The following SPSB4 variants were observed in gnomAD, a reference collection of about 807,000 sequenced individuals.
SPSB4 encodes the protein SPRY domain-containing SOCS box protein 4.
A neutral mutation model predicts 20.9 loss-of-function variants in SPSB4; 21 were observed. That is an observed-to-expected ratio of 1.01 (90% confidence interval 0.71 to 1.45). The LOEUF (loss-of-function observed/expected upper bound fraction) is 1.45. Ranked by LOEUF, SPSB4 falls within the 40% of genes most tolerant of loss-of-function variation. SPSB4 has a pLI of 0.00. For synonymous variants in SPSB4, 207 were observed against 183.8 expected (o/e 1.13, Z -1.02); for missense variants, 399 against 399.2 (o/e 1.00, Z 0.00).
intron 2 of SPSB4, among the ~76,000 whole-genome samples, chr3:141,113,325 CAAAT>C (rs1194410159): frequency 6.6e-6 from 1 of 152,130 alleles, no homozygotes; most frequent in Non-Finnish European, 1.5e-5. Context: ...GGTATTCAAA[CAAAT>C]ACTTATGCAT....
At chr3:141,075,167 A>G (rs1376502628) in intron 2 of SPSB4, among the ~76,000 whole-genome samples, 5 of 151,700 alleles carry the variant, frequency 3.3e-5, no homozygotes, top group Admixed American at 3.3e-4. Flanking sequence ...GGGAGGATGT[A>G]GGAGCTTAGG....
intron 2 of SPSB4, among the ~76,000 whole-genome samples, chr3:141,101,636 G>A (rs1038271174): frequency 2.6e-5 from 4 of 152,184 alleles, no homozygotes; most frequent in Non-Finnish European, 5.9e-5. Flanking sequence ...GCCCAGGACG[G>A]TGCTGGCACA....
At chr3:141,085,469 A>G (rs1406772431) in intron 2 of SPSB4, among the ~76,000 whole-genome samples, 1 of 152,154 alleles carries the variant, frequency 6.6e-6, no homozygotes, top group African/African-American at 2.4e-5. Flanking sequence ...AATGGCTGCT[A>G]GAGCTTCAGC....
At chr3:141,108,852 C>G (rs1219454102) in intron 2 of SPSB4, among the ~76,000 whole-genome samples, 1 of 152,160 alleles carries the variant, frequency 6.6e-6, no homozygotes, top group Non-Finnish European at 1.5e-5. Context: ...AGACCGAAAG[C>G]AGCATTTCAG....
chr3:141,076,392 A>C (rs1242501392), intron 2 of SPSB4, among the ~76,000 whole-genome samples: 1 of 152,236 alleles, frequency 6.6e-6, no homozygotes, highest in Non-Finnish European at 1.5e-5. Context: ...GAGTAAATCC[A>C]CACTCTTATC....
At chr3:141,132,168 A>G (rs1203356550) in intron 2 of SPSB4, 1 of 429,460 alleles carries the variant, frequency 2.3e-6, no homozygotes. Flanking sequence ...AGTCCATTAT[A>G]TCTTTGTTTT....
chr3:141,052,807 T>C (rs1162377191), intron 1 of SPSB4, among the ~76,000 whole-genome samples: 1 of 152,148 alleles, frequency 6.6e-6, no homozygotes. Flanking sequence ...GGTCAGAGAC[T>C]TGAGCGCGGC....
At chr3:141,093,217 G>GA (rs1938488904) in intron 2 of SPSB4, among the ~76,000 whole-genome samples, 2 of 152,058 alleles carry the variant, frequency 1.3e-5, no homozygotes, top group South Asian at 2.1e-4. Flanking sequence ...AGTCTGTAGA[G>GA]AAAAAAATCA....
Position 141,066,038 on chromosome 3 carries a change from G to C in SPSB4, c.-67G>C, listed in dbSNP as rs1368001297. The stretch of plus-strand genomic sequence containing the variant: ...TTCCCAGCCCCGTGGCCCATTCCTG[G>C]CTACGGGGAGTGGAGGCTCCCACGA... On this transcript the variant is annotated 5_prime_UTR_variant, in exon 2 of 3. Transcript: ENST00000310546. 8 of 1,368,752 alleles carry C rather than the reference G, an allele frequency of 5.8e-6. No individual in the cohort carries two copies. The highest frequency in any genetic ancestry group is 7.6e-6 in the Non-Finnish European group (8 of 1,049,194). The allele number at this position is 1,368,752 out of a possible 1,614,324, so 84.8% of individuals were successfully genotyped here. A position where few individuals can be genotyped will look rare whatever the true frequency, so the allele number is the denominator to read the frequency against.
At position 141,113,138 on chromosome 3, in the gene SPSB4, A is replaced by G. The variant is rs1938829713; in HGVS notation, c.695-34004A>G. On this transcript the variant is annotated intron_variant, in intron 2 of 2. Transcript: ENST00000310546. ...GATGGTTATAATTAAAAAGCAAACA[A>G]GCAGAACAGAAAATAACAAATGGGG... Among the ~76,000 whole-genome samples the G allele has an allele frequency of 2.0e-5, 3 of 152,218 alleles. No homozygotes were observed. In the South Asian group the frequency reaches 6.2e-4, roughly 32 times the overall value.
chr3:141,066,601 G>A lies in SPSB4; in HGVS notation c.497G>A (p.Gly166Glu). ...QPGVAYPAFLGPDEAFALPDS... is the reference protein window; with the variant it reads ...QPGVAYPAFLEPDEAFALPDS... ...GGCGTGGCCTACCCGGCCTTTCTGG[G>A]GCCCGACGAGGCCTTTGCGCTGCCC... The change falls in exon 2 of 3, where the codon GGG becomes GAG. Residue 166 changes from glycine (G) to glutamate (E), a missense_variant. Physicochemically the swap from Gly to Glu is moderately conservative, Grantham distance 98. Coordinates refer to ENST00000310546, the MANE Select transcript of SPSB4 (RefSeq NM_080862.3). 6.3e-7 allele frequency: 1 copy of A among 1,581,864 alleles called. No individual in the cohort carries two copies. Among genetic ancestry groups the A allele is most frequent in the Admixed American group, 1.8e-5 (1 of 55,796 alleles).
At chr3:141,087,835 G>C (rs79745657) in intron 2 of SPSB4, among the ~76,000 whole-genome samples, 3,489 of 152,270 alleles carry the variant, frequency 0.023, 226 homozygotes, top group East Asian at 0.14. Flanking sequence ...TGCCGGATGC[G>C]TTCTGGCCTT....
intron 1 of SPSB4, among the ~76,000 whole-genome samples, chr3:141,053,908 C>T (rs1315403756): frequency 6.6e-6 from 1 of 152,182 alleles, no homozygotes; most frequent in African/African-American, 2.4e-5. Flanking sequence ...TCCACCTCTT[C>T]CTCACCATTT....
chr3:141,067,333 G>T (rs1382041476), intron 2 of SPSB4, among the ~76,000 whole-genome samples: 1 of 152,250 alleles, frequency 6.6e-6, no homozygotes, highest in East Asian at 1.9e-4. Context: ...CAATTCCAGC[G>T]CTTATGGGCC....
chr3:141,115,922 G>A (rs1938873013), intron 2 of SPSB4, among the ~76,000 whole-genome samples: 1 of 152,140 alleles, frequency 6.6e-6, no homozygotes. Context: ...TTACTCATCA[G>A]TTTTACTTAA....
At chr3:141,114,938 G>A (rs1482114853) in intron 2 of SPSB4, among the ~76,000 whole-genome samples, 16 of 152,140 alleles carry the variant, frequency 1.1e-4, no homozygotes, top group African/African-American at 4.8e-5. Context: ...TGTGGGGAAC[G>A]CAAGAGTCTT....
In SPSB4 at chr3:141,064,107, A is replaced by G. The variant is rs4683390; in HGVS notation, c.-153-1845A>G. The stretch of plus-strand genomic sequence containing the variant: ...CCATTTTTTCTGATAAGGGATCATT[A>G]GTTTTTTCCTTCAGGGAATGCCAGC... On this transcript the variant is annotated intron_variant, in intron 1 of 2. Transcript: ENST00000310546. Among the ~76,000 whole-genome samples, 100 of 152,322 alleles carry G rather than the reference A, an allele frequency of 6.6e-4. 1 individual carries two copies. Among genetic ancestry groups the G allele is most frequent in the Admixed American group, 1.0e-3 (16 of 15,312 alleles).
At position 141,066,103 on chromosome 3, in the gene SPSB4, G is replaced by A. The variant is rs1469153899; in HGVS notation, c.-2G>A. 4 of 1,518,898 alleles carry A rather than the reference G, an allele frequency of 2.6e-6. No homozygotes were observed. Among genetic ancestry groups the A allele is most frequent in the Non-Finnish European group, 3.5e-6 (4 of 1,138,856 alleles). 94.1% of individuals were successfully genotyped at this position (1,518,898 alleles called of 1,614,324 possible). On this transcript the variant is annotated 5_prime_UTR_variant, in exon 2 of 3. Coordinates refer to ENST00000310546, the MANE Select transcript of SPSB4 (RefSeq NM_080862.3). ...GCAGCGGCCTCCTCCCCGCAGTGAAGCATGGGCCAGAAGCTCTCGGGGAGC... is the reference window on the plus strand; with the variant it reads ...GCAGCGGCCTCCTCCCCGCAGTGAAACATGGGCCAGAAGCTCTCGGGGAGC...
chr3:141,139,460 G>A (rs1449432036), intron 2 of SPSB4, among the ~76,000 whole-genome samples: 7 of 152,188 alleles, frequency 4.6e-5, no homozygotes, highest in South Asian at 2.1e-4. Context: ...GCATGTTTTT[G>A]CAGTGGCTGG....
Sources: gnomAD v4.1 joint callset for allele counts (sites outside exome capture counted in the v4.1 genomes callset) on GRCh38, gnomAD v4.1.1 for gene constraint, MANE v1.5 for transcripts, NCBI Gene and HGNC (gene_info 2026-07-23, HGNC 2026-07-21) for gene names.